Variants in VGLL4 observed in about 807,000 individuals in gnomAD.
The protein encoded by VGLL4 is vestigial like family member 4.
VGLL4 carries 7 observed loss-of-function variants against 21.0 expected under a neutral mutation model. That is an observed-to-expected ratio of 0.33 (90% CI 0.19 to 0.63). The LOEUF is 0.63. Ranked by LOEUF, VGLL4 falls within the 20% of genes least tolerant of loss-of-function variation. The probability of loss-of-function intolerance (pLI) is 0.78; values close to 1 mark genes in which losing one functional copy is unlikely to be tolerated. For synonymous variants in VGLL4, 222 were observed against 173.2 expected (o/e 1.28, Z -2.21); for missense variants, 394 against 425.7 (o/e 0.93, Z 0.66).
Position 11,565,767 on chromosome 3 carries a change from G to A in VGLL4, c.273-748C>T, listed in dbSNP as rs1328796375. Among the ~76,000 whole-genome samples, 1 of 152,200 alleles carries A rather than the reference G, an allele frequency of 6.6e-6. No homozygotes were observed. Among genetic ancestry groups the A allele is most frequent in the Non-Finnish European group, 1.5e-5 (1 of 68,020 alleles). ...ACGTGGAATCCAGGTGAGACAGTCA[G>A]CACCACCTCCATCTGATGTGTTAGT... On this transcript the variant is annotated intron_variant, in intron 2 of 4. Transcript: ENST00000430365. The surrounding 1 kb of genome is among the most constrained non-coding windows in gnomAD (Gnocchi z 4.1).
rs747138534 is a variant in VGLL4 at position 11,681,642 on chromosome 3, T to C, written c.64+21329A>G. On this transcript the variant is annotated intron_variant, in intron 2 of 5. Transcript: ENST00000273038. Reference sequence around the variant, plus strand: ...GAAAAAAATGTTTTACTATATAGTATTAATATTTCATTTGCATACCAATGC... The same window carrying C: ...GAAAAAAATGTTTTACTATATAGTACTAATATTTCATTTGCATACCAATGC... Among the ~76,000 whole-genome samples the C allele has an allele frequency of 2.6e-4, 39 of 152,372 alleles. 1 individual carries two copies. The Middle Eastern group carries it at 0.017, about 66-fold the overall frequency.
intron 2 of VGLL4, among the ~76,000 whole-genome samples, chr3:11,688,490 T>A (rs1360932778): frequency 6.6e-6 from 1 of 152,218 alleles, no homozygotes; most frequent in African/African-American, 2.4e-5. Context: ...ATCTATTTCA[T>A]CTACATTTTC....
chr3:11,704,649 A>T (rs1386508061), intron 1 of VGLL4, among the ~76,000 whole-genome samples: 2 of 152,068 alleles, frequency 1.3e-5, no homozygotes, highest in Non-Finnish European at 2.9e-5. Flanking sequence ...ACGTTTTTCT[A>T]TGGTAAATAA....
chr3:11,604,647 C>A, intron 1 of VGLL4: 2 of 665,036 alleles, frequency 3.0e-6, no homozygotes, highest in Non-Finnish European at 3.7e-6. Flanking sequence ...AATCTTGACT[C>A]CTCCTTTATT....
chr3:11,700,447 C>T (rs987712097), intron 2 of VGLL4, among the ~76,000 whole-genome samples: 1 of 152,188 alleles, frequency 6.6e-6, no homozygotes, highest in Non-Finnish European at 1.5e-5. Context: ...TTCAAATCAG[C>T]CACTTCTCCA....
upstream of VGLL4, chr3:11,644,053 A>C: frequency 7.5e-6 from 7 of 937,452 alleles, no homozygotes; most frequent in South Asian, 9.8e-5. Flanking sequence ...AAGAAAGAGA[A>C]AGGGGAGGGG....
intron 1 of VGLL4, among the ~76,000 whole-genome samples, chr3:11,636,680 T>G (rs1428583250): frequency 6.6e-6 from 1 of 152,180 alleles, no homozygotes; most frequent in Non-Finnish European, 1.5e-5. Context: ...GCTATGTATC[T>G]CCGGAAGTGT....
chr3:11,651,086 G>A (rs2447608), intron 2 of VGLL4, among the ~76,000 whole-genome samples: 1 of 152,106 alleles, frequency 6.6e-6, no homozygotes, highest in Non-Finnish European at 1.5e-5. Flanking sequence ...GGTGGCTCAC[G>A]CCTGTAATCC....
chr3:11,670,126 A>T (rs1362586800), intron 2 of VGLL4, among the ~76,000 whole-genome samples: 8 of 152,122 alleles, frequency 5.3e-5, no homozygotes, highest in Non-Finnish European at 1.0e-4. Flanking sequence ...ACAAAAAAAA[A>T]AAAAGCAAGA....
intron 1 of VGLL4, among the ~76,000 whole-genome samples, chr3:11,636,016 T>G (rs2075580367): frequency 6.6e-6 from 1 of 152,160 alleles, no homozygotes; most frequent in Non-Finnish European, 1.5e-5. Flanking sequence ...AAACAATAGT[T>G]TAAAAGGACT....
chr3:11,629,961 T>C (rs73127148), intron 1 of VGLL4, among the ~76,000 whole-genome samples: 3,256 of 152,296 alleles, frequency 0.021, 98 homozygotes, highest in African/African-American at 0.072. Flanking sequence ...AGCAAAGCTA[T>C]ACTAAGCTAA....
chr3:11,718,878 G>A (rs1160594849), intron 1 of VGLL4, among the ~76,000 whole-genome samples: 1 of 152,106 alleles, frequency 6.6e-6, no homozygotes, highest in Non-Finnish European at 1.5e-5. Context: ...AAGTGAAACC[G>A]ATTTTTTAAT....
In VGLL4 at chr3:11,568,810, T is replaced by G; in HGVS notation, c.273-3791A>C. On this transcript the variant is annotated intron_variant, in intron 2 of 4. Transcript: ENST00000430365. This position sits in a 1 kb window ranked among gnomAD's most constrained non-coding sequence, Gnocchi z 5.9. ...ACTGTGCCCGAGAGAGCCCACGGCATCCCCGCGAACACCCAAAGGACTCTG... is the reference window on the plus strand; with the variant it reads ...ACTGTGCCCGAGAGAGCCCACGGCAGCCCCGCGAACACCCAAAGGACTCTG... 2 of 1,431,274 alleles carry G rather than the reference T, an allele frequency of 1.4e-6. No individual in the cohort carries two copies. The highest frequency in any genetic ancestry group is 1.8e-6 in the Non-Finnish European group (2 of 1,096,392). The allele number at this position is 1,431,274 out of a possible 1,614,324, so 88.7% of individuals were successfully genotyped here. A position where few individuals can be genotyped will look rare whatever the true frequency, so the allele number is the denominator to read the frequency against.
rs374865482 is a variant in VGLL4 at position 11,559,363 on chromosome 3, G to A, written c.588C>T (p.Pro196=). ...CPIAHSGCAA[P]GPASYRRPPS... The stretch of plus-strand genomic sequence containing the variant: ...GTGGCCTCCGGTAGCTGGCAGGCCC[G>A]GGCGCGGCACAGCCGCTGTGCGCGA... Residue 196 remains proline (P), a synonymous_variant, in exon 4 of 5, where the codon CCC becomes CCT. Transcript: ENST00000430365. 2.9e-4 allele frequency: 449 copies of A among 1,551,124 alleles called. 1 individual carries two copies. Among genetic ancestry groups the A allele is most frequent in the Middle Eastern group, 9.6e-4 (5 of 5,206 alleles).
Position 11,557,547 on chromosome 3 carries a change from GC to G in VGLL4, c.*1008del, listed in dbSNP as rs1452513690. On this transcript the variant is annotated 3_prime_UTR_variant, in exon 5 of 5. Coordinates refer to ENST00000430365, the MANE Select transcript of VGLL4 (RefSeq NM_001128219.3). ...CATCGCGAGGGCCTGCCAGGAGCTG[GC>G]CTCCCGCACTACTTGTGAGTAAAGT... The G allele has an allele frequency of 6.6e-6, 1 of 152,522 alleles. No individual in the cohort carries two copies. Among genetic ancestry groups the G allele is most frequent in the Non-Finnish European group, 1.5e-5 (1 of 68,050 alleles). 9.4% of individuals were successfully genotyped at this position (152,522 alleles called of 1,614,324 possible). A position where few individuals can be genotyped will look rare whatever the true frequency, so the allele number is the denominator to read the frequency against.
chr3:11,582,217 T>C, intron 2 of VGLL4: 2 of 1,545,742 alleles, frequency 1.3e-6, no homozygotes, highest in East Asian at 4.6e-5. Flanking sequence ...CAGCTGAAAA[T>C]ACAGGGTTGC....
intron 3 of VGLL4, among the ~76,000 whole-genome samples, chr3:11,561,963 G>A (rs761743481): frequency 1.4e-5 from 2 of 145,344 alleles, no homozygotes; most frequent in African/African-American, 2.6e-5. Flanking sequence ...GCAGTGACGC[G>A]ATCTTGGCTC....
rs115211688 is a variant in VGLL4, at chr3:11,659,733, G to A, written c.64+43238C>T. ...ATCTCAAAGCAGGTTTGAGGAATGC[G>A]GCATTCTAAACACAGTACTTCAGTA... On this transcript the variant is annotated intron_variant, in intron 2 of 5. Coordinates refer to the VGLL4 transcript ENST00000273038. 7.5e-3 allele frequency among the ~76,000 whole-genome samples: 1,148 copies of A among 152,258 alleles called. 14 individuals carry two copies. The highest frequency in any genetic ancestry group is 0.026 in the African/African-American group (1,060 of 41,544).
rs199772239 is a variant in VGLL4 at position 11,690,648 on chromosome 3, G to GA, written c.64+12322dup. ...GTTTAAGCAACATTTTCCAAAGAGAGAAAAAAAAACACATATATGTAAGGT... is the reference window on the plus strand; with the variant it reads ...GTTTAAGCAACATTTTCCAAAGAGAGAAAAAAAAAACACATATATGTAAGGT... On this transcript the variant is annotated intron_variant, in intron 2 of 5. Transcript: ENST00000273038. Among the ~76,000 whole-genome samples, 204 of 148,894 alleles carry GA rather than the reference G, an allele frequency of 1.4e-3. 1 individual carries two copies. The highest frequency in any genetic ancestry group is 3.8e-3 in the African/African-American group (156 of 40,640).
Sources: gnomAD v4.1 joint callset for allele counts (sites outside exome capture counted in the v4.1 genomes callset) on GRCh38, gnomAD v4.1.1 for gene constraint, Gnocchi (gnomAD v3.1) non-coding constraint, MANE v1.5 for transcripts, NCBI Gene and HGNC (gene_info 2026-07-23, HGNC 2026-07-21) for gene names.